The following CDK19 variants were observed in gnomAD, a reference collection of about 807,000 sequenced individuals.
CDK19 encodes the protein cyclin-dependent kinase 19.
CDK19 carries 20 observed loss-of-function variants against 68.3 expected under a neutral mutation model. The ratio of observed to expected loss-of-function variants is 0.29; its 90% CI spans 0.21 to 0.43. The LOEUF (loss-of-function observed/expected upper bound fraction) is 0.43. CDK19 is among the 20% of genes least tolerant of loss of function. The pLI, the probability that CDK19 is intolerant of heterozygous loss-of-function variation, is 1.00. For missense variants in CDK19, 339 were observed against 623.5 expected, an observed-to-expected ratio of 0.54 and a Z score of 4.86; for synonymous variants, 221 against 222.8, an observed-to-expected ratio of 0.99 and a Z score of 0.07.
At chr6:110,721,579 T>C (rs375113546) in intron 2 of CDK19, among the ~76,000 whole-genome samples, 13 of 152,110 alleles carry the variant, frequency 8.5e-5, no homozygotes, top group South Asian at 8.3e-4. Context: ...CATAAAAGGG[T>C]TTCTTCAGCT....
chr6:110,614,915 A>G (rs1184698060), intron 12 of CDK19, among the ~76,000 whole-genome samples: 1 of 152,182 alleles, frequency 6.6e-6, no homozygotes, highest in Non-Finnish European at 1.5e-5. Context: ...GCTACACTGG[A>G]AAGAAAGGAA....
At chr6:110,763,290 A>T (rs947711833) in intron 1 of CDK19, among the ~76,000 whole-genome samples, 8 of 152,182 alleles carry the variant, frequency 5.3e-5, no homozygotes, top group African/African-American at 1.4e-4. Context: ...GTACTTGACA[A>T]TTTTTATACT....
At chr6:110,683,610 C>G (rs1246669650) in intron 2 of CDK19, among the ~76,000 whole-genome samples, 1 of 151,964 alleles carries the variant, frequency 6.6e-6, no homozygotes, top group Non-Finnish European at 1.5e-5. Flanking sequence ...AGAGAGATAT[C>G]TGAAACCAAG....
intron 12 of CDK19, among the ~76,000 whole-genome samples, chr6:110,619,412 CAGA>C (rs1018233728): frequency 3.0e-4 from 45 of 152,090 alleles, no homozygotes; most frequent in African/African-American, 1.1e-3. Flanking sequence ...AGGTTTATTA[CAGA>C]AGGTATGAAA....
Position 110,621,983 on chromosome 6 carries a change from T to G in CDK19, c.1110+105A>C. ...TAAGATACATTCAAATTTAATTAAA[T>G]ATTAGAAAAGGTGGTTAAATGTATA... is the stretch of plus-strand genomic sequence containing the variant. On this transcript the variant is annotated intron_variant, in intron 11 of 12. Coordinates refer to ENST00000368911, the MANE Select transcript of CDK19 (RefSeq NM_015076.5). The surrounding 1 kb of genome is among the most constrained non-coding windows in gnomAD (Gnocchi z 5.4). 1.7e-6 allele frequency: 1 copy of G among 592,418 alleles called. No individual in the cohort carries two copies. Among genetic ancestry groups the G allele is most frequent in the Non-Finnish European group, 2.9e-6 (1 of 345,108 alleles). 36.7% of individuals were successfully genotyped at this position (592,418 alleles called of 1,614,324 possible).
At chr6:110,631,442 C>T (rs904982838) in intron 6 of CDK19, among the ~76,000 whole-genome samples, 1 of 152,184 alleles carries the variant, frequency 6.6e-6, no homozygotes, top group Non-Finnish European at 1.5e-5. Flanking sequence ...TTAAATTTTA[C>T]ACAGTGTGTT....
At position 110,614,100 on chromosome 6, in the gene CDK19, G is replaced by A. The variant is rs1317450644; in HGVS notation, c.*435C>T. On this transcript the variant is annotated 3_prime_UTR_variant, in exon 13 of 13. Transcript: ENST00000368911. ...CTTTAAAAGGTGCATTTTTACCTGT[G>A]TTGCTAAATCAGTTCATGAAGTATA... The A allele has an allele frequency of 6.5e-6, 1 of 154,164 alleles. No homozygotes were observed. The highest frequency in any genetic ancestry group is 1.4e-5 in the Non-Finnish European group (1 of 69,070). 9.5% of individuals were successfully genotyped at this position (154,164 alleles called of 1,614,324 possible). A position where few individuals can be genotyped will look rare whatever the true frequency, so the allele number is the denominator to read the frequency against.
chr6:110,783,955 T>C (rs924584832), intron 1 of CDK19, among the ~76,000 whole-genome samples: 27 of 150,044 alleles, frequency 1.8e-4, no homozygotes, highest in African/African-American at 4.9e-5. Context: ...AGGTCAGGAG[T>C]TCGAGACCAG....
chr6:110,767,569 T>C (rs920235826), intron 1 of CDK19, among the ~76,000 whole-genome samples: 4 of 144,294 alleles, frequency 2.8e-5, no homozygotes, highest in Middle Eastern at 3.2e-3. Context: ...TTGGCCAGGC[T>C]GGTCTCGAAC....
chr6:110,685,646 T>A (rs1446720315), intron 2 of CDK19, among the ~76,000 whole-genome samples: 1 of 152,224 alleles, frequency 6.6e-6, no homozygotes, highest in African/African-American at 2.4e-5. Context: ...CATCAGAATA[T>A]CTTCCTAAGA....
At chr6:110,638,998 CTAA>C (rs1033083450) in intron 4 of CDK19, among the ~76,000 whole-genome samples, 6 of 152,100 alleles carry the variant, frequency 3.9e-5, no homozygotes, top group Non-Finnish European at 8.8e-5. Flanking sequence ...GCAGAAAAAA[CTAA>C]TAATAATTTT....
rs557931119 is a variant in CDK19, at chr6:110,795,607, A to C, written c.128+19402T>G. On this transcript the variant is annotated intron_variant, in intron 1 of 12. Transcript: ENST00000368911. ...TATATGAAAAAATTAGGTTATAAATACTAAGAGCCTTAAACAACTAATACC... is the reference window on the plus strand; with the variant it reads ...TATATGAAAAAATTAGGTTATAAATCCTAAGAGCCTTAAACAACTAATACC... 2.6e-5 allele frequency among the ~76,000 whole-genome samples: 4 copies of C among 152,350 alleles called. No homozygotes were observed. The South Asian group carries it at 6.2e-4, about 24-fold the overall frequency.
At chr6:110,646,509 G>T in intron 4 of CDK19, 1 of 1,374,516 alleles carries the variant, frequency 7.3e-7, no homozygotes. Context: ...GTGGTGCCCT[G>T]GGAAACCGAC....
intron 4 of CDK19, chr6:110,646,527 TC>T (rs2114828270): frequency 7.8e-7 from 1 of 1,275,934 alleles, no homozygotes; most frequent in Non-Finnish European, 1.0e-6. Flanking sequence ...GACGTGCGCC[TC>T]CACCTGCAAC....
chr6:110,794,526 C>A (rs752564837), intron 1 of CDK19, among the ~76,000 whole-genome samples: 7 of 151,618 alleles, frequency 4.6e-5, no homozygotes, highest in Admixed American at 2.6e-4. Flanking sequence ...CTCAGCCTCC[C>A]GAGTAGCTGG....
intron 1 of CDK19, among the ~76,000 whole-genome samples, chr6:110,793,219 T>A: frequency 6.6e-6 from 1 of 152,188 alleles, no homozygotes; most frequent in South Asian, 2.1e-4. Flanking sequence ...AAATACTGTT[T>A]ATTCAAATGC....
intron 1 of CDK19, among the ~76,000 whole-genome samples, chr6:110,752,557 T>A (rs561416228): frequency 6.6e-6 from 1 of 152,340 alleles, no homozygotes; most frequent in South Asian, 2.1e-4. Context: ...AAAATGTGCT[T>A]CAAAAATTAT....
intron 2 of CDK19, among the ~76,000 whole-genome samples, chr6:110,704,682 A>G (rs1477715974): frequency 1.3e-5 from 2 of 152,234 alleles, no homozygotes; most frequent in African/African-American, 4.8e-5. Flanking sequence ...AAATCTTTTT[A>G]GTTATCTTTT....
chr6:110,671,863 C>G (rs751640205), intron 2 of CDK19, among the ~76,000 whole-genome samples: 4 of 152,062 alleles, frequency 2.6e-5, no homozygotes, highest in Admixed American at 2.6e-4. Context: ...CTGCAACCTC[C>G]GCCTCCAAGG....
Sources: allele counts gnomAD v4.1 joint callset (sites outside exome capture counted in the v4.1 genomes callset), GRCh38; gene constraint gnomAD v4.1.1; non-coding constraint Gnocchi (gnomAD v3.1); transcripts MANE v1.5; gene names NCBI Gene and HGNC (gene_info 2026-07-23, HGNC 2026-07-21).